The following SDC2 variants were observed in gnomAD, a reference collection of about 807,000 sequenced individuals.
SDC2 encodes syndecan-2.
A neutral mutation model predicts 22.2 loss-of-function variants in SDC2; 13 were observed. That is an observed-to-expected ratio of 0.59 (90% CI 0.38 to 0.93). The LOEUF (loss-of-function observed/expected upper bound fraction) is 0.93. SDC2 is among the 40% of genes least tolerant of loss of function. The pLI is 0.00. For synonymous variants in SDC2, 94 were observed against 92.8 expected (o/e 1.01, Z -0.07); for missense variants, 235 against 246.8 (o/e 0.95, Z 0.32).
At chr8:96,541,576 A>G (rs1475722902) in intron 1 of SDC2, among the ~76,000 whole-genome samples, 1 of 152,072 alleles carries the variant, frequency 6.6e-6, no homozygotes, top group African/African-American at 2.4e-5. Flanking sequence ...ATACTAAGTG[A>G]AAGAAGCCAG....
intron 1 of SDC2, among the ~76,000 whole-genome samples, chr8:96,550,431 T>C (rs1308861340): frequency 2.0e-5 from 3 of 152,214 alleles, no homozygotes; most frequent in Non-Finnish European, 2.9e-5. Context: ...TAAGGGACAC[T>C]CAACCCGTTT....
At chr8:96,607,373 T>A (rs1815098964) in intron 3 of SDC2, among the ~76,000 whole-genome samples, 1 of 151,788 alleles carries the variant, frequency 6.6e-6, no homozygotes, top group South Asian at 2.1e-4. Flanking sequence ...AGGGAAGAAG[T>A]TAATGTGAGA....
chr8:96,590,408 C>G (rs562410725), intron 1 of SDC2, among the ~76,000 whole-genome samples: 1 of 152,146 alleles, frequency 6.6e-6, no homozygotes. Context: ...AGAGTATGTC[C>G]CGAGGTTTTC....
At chr8:96,574,165 C>T (rs1473872954) in intron 1 of SDC2, among the ~76,000 whole-genome samples, 2 of 151,794 alleles carry the variant, frequency 1.3e-5, no homozygotes, top group African/African-American at 4.8e-5. Context: ...TAAGTGGATA[C>T]AGTAGCCAGC....
chr8:96,583,128 C>A (rs150982233), intron 1 of SDC2, among the ~76,000 whole-genome samples: 8 of 113,478 alleles, frequency 7.0e-5, no homozygotes, highest in African/African-American at 2.0e-4. Context: ...TTAAAAAAAT[C>A]TTTTGTAGAG....
chr8:96,609,374 G>C lies in SDC2; in HGVS notation c.443-11G>C, dbSNP rs370706381. The C allele has an allele frequency of 1.2e-6, 2 of 1,604,098 alleles. No homozygotes were observed. The highest frequency in any genetic ancestry group is 1.7e-5 in the Admixed American group (1 of 58,524). ...TCTCTTCTAAAGTAATCTTCCTTTT[G>C]GTTGTTTCAGCTGTCATTGCTGGTG... is the stretch of plus-strand genomic sequence containing the variant. On this transcript the variant is annotated splice_polypyrimidine_tract_variant and intron_variant, in intron 4 of 4. Transcript: ENST00000302190.
chr8:96,568,986 A>C (rs189791097), intron 1 of SDC2, among the ~76,000 whole-genome samples: 5 of 152,174 alleles, frequency 3.3e-5, no homozygotes, highest in Admixed American at 1.3e-4. Context: ...TAGAATGTAG[A>C]ATGCTCACTG....
chr8:96,579,751 G>A (rs1814560082), intron 1 of SDC2, among the ~76,000 whole-genome samples: 1 of 152,164 alleles, frequency 6.6e-6, no homozygotes, highest in East Asian at 1.9e-4. Context: ...TGTTCAACTG[G>A]CATTTGTTTT....
intron 1 of SDC2, among the ~76,000 whole-genome samples, chr8:96,547,033 A>G (rs1813945508): frequency 6.6e-6 from 1 of 152,212 alleles, no homozygotes; most frequent in Non-Finnish European, 1.5e-5. Context: ...CTCAGCCTGT[A>G]GGCTGCTGTA....
chr8:96,579,101 C>T (rs901326624), intron 1 of SDC2, among the ~76,000 whole-genome samples: 1 of 152,208 alleles, frequency 6.6e-6, no homozygotes, highest in African/African-American at 2.4e-5. Flanking sequence ...CGGATTTGAT[C>T]AGATCTAATT....
chr8:96,557,463 A>G (rs939648356), intron 1 of SDC2, among the ~76,000 whole-genome samples: 10 of 149,722 alleles, frequency 6.7e-5, no homozygotes, highest in Non-Finnish European at 1.3e-4. Flanking sequence ...TGATGAGTTC[A>G]TGTCCTTTGT....
intron 1 of SDC2, among the ~76,000 whole-genome samples, chr8:96,568,005 A>G (rs1814329502): frequency 6.6e-6 from 1 of 152,210 alleles, no homozygotes; most frequent in African/African-American, 2.4e-5. Context: ...ATTTTCTCCC[A>G]TGCTTTTGTA....
rs114379966 is a variant in SDC2 at position 96,555,385 on chromosome 8, A to G, written c.61-38095A>G. On this transcript the variant is annotated intron_variant, in intron 1 of 4. Transcript: ENST00000302190. Reference sequence around the variant, plus strand: ...GAATCCTATGTTCTGTTTAGTTCCAACTCCAATCAATTAACCAATATTTAT... The same window carrying G: ...GAATCCTATGTTCTGTTTAGTTCCAGCTCCAATCAATTAACCAATATTTAT... 5.5e-3 allele frequency among the ~76,000 whole-genome samples: 842 copies of G among 152,186 alleles called. 5 individuals carry two copies. Among genetic ancestry groups the G allele is most frequent in the African/African-American group, 0.018 (744 of 41,538 alleles).
At chr8:96,575,756 C>T (rs1814477612) in intron 1 of SDC2, among the ~76,000 whole-genome samples, 1 of 152,108 alleles carries the variant, frequency 6.6e-6, no homozygotes, top group South Asian at 2.1e-4. Flanking sequence ...ATGTTTACCT[C>T]TAATTTTGTT....
intron 1 of SDC2, among the ~76,000 whole-genome samples, chr8:96,536,634 A>G (rs1457247891): frequency 6.6e-6 from 1 of 152,136 alleles, no homozygotes; most frequent in East Asian, 1.9e-4. Context: ...TTTTAGGTGG[A>G]TTGTCATCAT....
chr8:96,501,295 CTTTTTTTTTTTTTTT>C (rs35998270), intron 1 of SDC2, among the ~76,000 whole-genome samples: 7 of 55,160 alleles, frequency 1.3e-4, no homozygotes, highest in East Asian at 5.7e-4. Context: ...ATACGTATTT[CTTTTTTTTTTTTTTT>C]TTTTTTTTTT....
intron 3 of SDC2, among the ~76,000 whole-genome samples, chr8:96,607,059 A>G (rs904202751): frequency 2.0e-5 from 3 of 152,178 alleles, no homozygotes; most frequent in African/African-American, 7.2e-5. Context: ...CGCGATTGTG[A>G]ACTGTGCCTG....
intron 1 of SDC2, among the ~76,000 whole-genome samples, chr8:96,577,362 A>G (rs945059544): frequency 8.5e-5 from 13 of 152,186 alleles, no homozygotes; most frequent in African/African-American, 2.9e-4. Context: ...GGCAGAATAT[A>G]TGGACAGGCC....
At chr8:96,543,959 A>T (rs922838460) in intron 1 of SDC2, among the ~76,000 whole-genome samples, 1 of 152,212 alleles carries the variant, frequency 6.6e-6, no homozygotes, top group Admixed American at 6.5e-5. Flanking sequence ...TGCAGAAATT[A>T]TCGATTGTAT....
Sources: allele counts gnomAD v4.1 joint callset (sites outside exome capture counted in the v4.1 genomes callset), GRCh38; gene constraint gnomAD v4.1.1; transcripts MANE v1.5; gene names NCBI Gene and HGNC (gene_info 2026-07-23, HGNC 2026-07-21).